Variants in MYO18B observed in about 807,000 individuals in gnomAD.
MYO18B encodes unconventional myosin-XVIIIb.
Under a neutral mutation model 273.0 loss-of-function variants are expected in MYO18B, and 204 were observed. The observed-to-expected ratio is 0.75, with a 90% confidence interval of 0.67 to 0.84. The LOEUF is 0.84. MYO18B is among the 40% of genes least tolerant of loss of function. The probability of loss-of-function intolerance (pLI) is 0.00; values close to 1 mark genes in which losing one functional copy is unlikely to be tolerated. For missense variants in MYO18B, 3,212 were observed against 3,287.6 expected, an observed-to-expected ratio of 0.98 and a Z score of 0.56; for synonymous variants, 1,330 against 1,305.7, an observed-to-expected ratio of 1.02 and a Z score of -0.40.
At chr22:25,803,967 AACACACACACAC>A (rs151023852) in intron 12 of MYO18B, among the ~76,000 whole-genome samples, 58 of 136,960 alleles carry the variant, frequency 4.2e-4, no homozygotes, top group Admixed American at 2.1e-3. Flanking sequence ...TGACCCAGTG[AACACACACACAC>A]ACACACACAC....
At chr22:25,940,013 G>C (rs9613042) in intron 34 of MYO18B, among the ~76,000 whole-genome samples, 18,052 of 152,120 alleles carry the variant, frequency 0.12, 1,131 homozygotes, top group East Asian at 0.19. Flanking sequence ...AACAGCTCAT[G>C]CTCATAACCT....
In MYO18B at chr22:25,763,368, T is replaced by C; in HGVS notation, c.177T>C (p.Ala59=). The C allele has an allele frequency of 6.2e-7, 1 of 1,611,550 alleles. No homozygotes were observed. The highest frequency in any genetic ancestry group is 8.5e-7 in the Non-Finnish European group (1 of 1,179,388). Residue 59 remains alanine (A), a synonymous_variant, in exon 3 of 44, where the codon GCT becomes GCC. Transcript: ENST00000335473. ...AKEARQRKQL[A]VASPEREIPE... ...AAGCGAGACAGAGGAAGCAGTTAGCTGTCGCCTCTCCAGAACGAGAGGTAA... is the reference window on the plus strand; with the variant it reads ...AAGCGAGACAGAGGAAGCAGTTAGCCGTCGCCTCTCCAGAACGAGAGGTAA...
At chr22:25,921,494 C>A in intron 34 of MYO18B, 85 bp downstream of exon 34, 1 of 1,474,490 alleles carries the variant, frequency 6.8e-7, no homozygotes. Flanking sequence ...CAGGTATGAG[C>A]GGAACCATGG....
chr22:25,879,582 A>G (rs695408), intron 25 of MYO18B, among the ~76,000 whole-genome samples: 56,172 of 151,862 alleles, frequency 0.37, 11,249 homozygotes, highest in East Asian at 0.56. Flanking sequence ...GGGCATGGGT[A>G]TTGATTTCAT....
intron 1 of MYO18B, among the ~76,000 whole-genome samples, chr22:25,744,895 G>A (rs1195339937): frequency 2.0e-5 from 3 of 152,098 alleles, no homozygotes; most frequent in African/African-American, 7.2e-5. Context: ...GAGAGGGAAA[G>A]CCACTTGTTC....
chr22:25,758,743 T>G (rs1015439893), intron 1 of MYO18B, among the ~76,000 whole-genome samples: 2 of 151,886 alleles, frequency 1.3e-5, no homozygotes, highest in African/African-American at 4.8e-5. Flanking sequence ...AGAAGAGTTT[T>G]TTTGGGGGTG....
intron 14 of MYO18B, among the ~76,000 whole-genome samples, chr22:25,827,035 C>T (rs1474950147): frequency 6.6e-6 from 1 of 152,182 alleles, no homozygotes; most frequent in Non-Finnish European, 1.5e-5. Flanking sequence ...ACACTCTAGC[C>T]TGGGTGACAG....
rs375181150 is a variant in MYO18B, at chr22:25,763,311, A to C, written c.120A>C (p.Gln40His). The C allele has an allele frequency of 2.5e-6, 4 of 1,613,148 alleles. No homozygotes were observed. In the Middle Eastern group the frequency reaches 4.9e-4, roughly 200 times the overall value. ...TCATCCCAGGGGGCTTCATTAAGCA[A>C]CTGGTCCGGGGGACTGAAAAAGAGG... is the stretch of plus-strand genomic sequence containing the variant. ...FSVIPGGFIK[Q>H]LVRGTEKEAK... Residue 40 changes from glutamine to histidine, a missense_variant, in exon 3 of 44, where the codon CAA (glutamine) becomes CAC (histidine). Physicochemically the swap from Gln to His is conservative, Grantham distance 24. Coordinates refer to ENST00000335473, the MANE Select transcript of MYO18B (RefSeq NM_032608.7).
chr22:26,062,390 T>C, the MYO18B span, among the ~76,000 whole-genome samples: 1 of 152,148 alleles, frequency 6.6e-6, no homozygotes, highest in South Asian at 2.1e-4. Flanking sequence ...ATTGAGTTGC[T>C]AGAATAATAG....
At position 25,838,891 on chromosome 22, in the gene MYO18B, CTG is replaced by C. The variant is rs1381694932; in HGVS notation, c.3208+3452_3208+3453del. ...TGTTTGTGTATATATATATATATAT[CTG>C]TGTCTATATGTGTATGTGTATATCT... On this transcript the variant is annotated intron_variant, in intron 17 of 43. Transcript: ENST00000335473. 3.2e-4 allele frequency among the ~76,000 whole-genome samples: 46 copies of C among 143,008 alleles called. 2 individuals carry two copies. Among genetic ancestry groups the C allele is most frequent in the Admixed American group, 3.2e-3 (45 of 14,164 alleles). 93.8% of individuals were successfully genotyped at this position (143,008 alleles called of 152,430 possible). A position where few individuals can be genotyped will look rare whatever the true frequency, so the allele number is the denominator to read the frequency against.
At chr22:25,966,859 ATGTGCT>A (rs2092985012) in intron 39 of MYO18B, among the ~76,000 whole-genome samples, 2 of 152,210 alleles carry the variant, frequency 1.3e-5, no homozygotes, top group South Asian at 4.1e-4. Flanking sequence ...CACATGGTGA[ATGTGCT>A]TGTCTCAATT....
chr22:25,802,761 A>C (rs1380120853), intron 12 of MYO18B, among the ~76,000 whole-genome samples: 5 of 75,716 alleles, frequency 6.6e-5, no homozygotes, highest in Non-Finnish European at 9.6e-5. Context: ...TCAAAAAAAA[A>C]AAAAAAAAAA....
chr22:25,803,086 C>T (rs958758192), intron 12 of MYO18B, among the ~76,000 whole-genome samples: 7 of 151,830 alleles, frequency 4.6e-5, no homozygotes, highest in Non-Finnish European at 7.4e-5. Context: ...CTCAGCCTCC[C>T]GAGTAGCTGG....
At chr22:26,022,071 A>G (rs1935867489) in intron 42 of MYO18B, among the ~76,000 whole-genome samples, 1 of 152,106 alleles carries the variant, frequency 6.6e-6, no homozygotes, top group African/African-American at 2.4e-5. Context: ...GCTTTTCTGG[A>G]GCCTCTCCTT....
At position 25,832,812 on chromosome 22, in the gene MYO18B, G is replaced by T; in HGVS notation, c.2980-105G>T. Reference sequence around the variant, plus strand: ...ATTTAAAAAAACGATTTTTTTAAAGGGCCAAGAGGTGATGGAAATCCTCTC... The same window carrying T: ...ATTTAAAAAAACGATTTTTTTAAAGTGCCAAGAGGTGATGGAAATCCTCTC... On this transcript the variant is annotated intron_variant, in intron 15 of 43. Transcript: ENST00000335473. 5 of 939,796 alleles carry T rather than the reference G, an allele frequency of 5.3e-6. No individual in the cohort carries two copies. The South Asian group carries it at 6.3e-5, about 12-fold the overall frequency. 58.2% of individuals were successfully genotyped at this position (939,796 alleles called of 1,614,324 possible).
intron 42 of MYO18B, among the ~76,000 whole-genome samples, chr22:26,022,057 C>T (rs758214791): frequency 6.6e-6 from 1 of 152,048 alleles, no homozygotes; most frequent in Non-Finnish European, 1.5e-5. Context: ...AAGAAGTCTC[C>T]AAGGCTTTTC....
In MYO18B at chr22:26,026,634, A is replaced by T. The variant is rs572104436; in HGVS notation, c.6660A>T (p.Arg2220Ser). 1.9e-6 allele frequency: 3 copies of T among 1,613,270 alleles called. No homozygotes were observed. In the South Asian group the frequency reaches 3.3e-5, roughly 18 times the overall value. ...VLAVQRKSTERLEPASSPLAS... is the reference protein window; with the variant it reads ...VLAVQRKSTESLEPASSPLAS... ...CCGTCCAGAGAAAGTCCACAGAGAG[A>T]TTAGAACCTGCTTCCTCTCCCCTGG... The change falls in exon 43 of 44, where the codon AGA becomes AGT. Residue 2220 changes from arginine to serine, a missense_variant. Transcript: ENST00000335473.
intron 33 of MYO18B, among the ~76,000 whole-genome samples, chr22:25,917,349 T>G (rs2146421403): frequency 6.6e-6 from 1 of 152,328 alleles, no homozygotes; most frequent in South Asian, 2.1e-4. Flanking sequence ...ATAGTTTCTC[T>G]TTATGTATTT....
At chr22:25,769,992 C>A (rs1218512667) in intron 4 of MYO18B, 118 bp from the exon 5 acceptor site, 2 of 1,029,634 alleles carry the variant, frequency 1.9e-6, no homozygotes, top group Non-Finnish European at 3.0e-6. Flanking sequence ...CTCCTGTTCT[C>A]CCCCAGGAGA....
Sources: gnomAD v4.1 joint callset for allele counts (sites outside exome capture counted in the v4.1 genomes callset) on GRCh38, gnomAD v4.1.1 for gene constraint, MANE v1.5 for transcripts, NCBI Gene and HGNC (gene_info 2026-07-23, HGNC 2026-07-21) for gene names.